Variants in RMST observed in about 807,000 individuals in gnomAD.
RMST encodes the protein long intergenic non-protein coding RNA 54.
At chr12:97,496,728 G>C (rs1316813531) in intron 10 of RMST, among the ~76,000 whole-genome samples, 1 of 152,124 alleles carries the variant, frequency 6.6e-6, no homozygotes, top group Non-Finnish European at 1.5e-5. Flanking sequence ...AAAGAGTGAG[G>C]AAAAACATTA....
intron 11 of RMST, among the ~76,000 whole-genome samples, chr12:97,545,297 T>C (rs1257712396): frequency 6.6e-6 from 1 of 152,090 alleles, no homozygotes; most frequent in African/African-American, 2.4e-5. Context: ...CCTTTACATA[T>C]GTTTTCTTCT....
chr12:97,495,210 T>C (rs1410246639), intron 9 of RMST, among the ~76,000 whole-genome samples: 1 of 151,928 alleles, frequency 6.6e-6, no homozygotes, highest in Non-Finnish European at 1.5e-5. Flanking sequence ...CATGCTATTC[T>C]ATAACCCTGG....
chr12:97,490,177 G>A (rs1438858174), intron 5 of RMST, among the ~76,000 whole-genome samples: 1 of 152,200 alleles, frequency 6.6e-6, no homozygotes, highest in Admixed American at 6.5e-5. Flanking sequence ...GACGGACAGA[G>A]TAGTTTACAG....
chr12:97,506,957 T>C (rs2136498245), intron 10 of RMST, among the ~76,000 whole-genome samples: 1 of 152,124 alleles, frequency 6.6e-6, no homozygotes. Context: ...GCTGGGATTA[T>C]AGGCATGAGC....
chr12:97,534,869 G>A (rs1881945856), intron 11 of RMST, among the ~76,000 whole-genome samples: 1 of 151,638 alleles, frequency 6.6e-6, no homozygotes, highest in Non-Finnish European at 1.5e-5. Context: ...GTTTTAAAAA[G>A]TGACCAATGG....
exon 14 of RMST, chr12:97,564,994 G>C (rs1884415525): frequency 6.6e-6 from 1 of 151,826 alleles, no homozygotes. Context: ...TTGATTTTCT[G>C]TATTTTTTCA....
chr12:97,563,713 T>C (rs1056341040), intron 13 of RMST: 11 of 450,762 alleles, frequency 2.4e-5, no homozygotes, highest in Non-Finnish European at 4.5e-5. Context: ...CTGTCACTTA[T>C]GTGTAGTTTA....
At chr12:97,494,116 A>G (rs1243099888) in intron 8 of RMST, 1 of 152,238 alleles carries the variant, frequency 6.6e-6, no homozygotes, top group African/African-American at 2.4e-5. Flanking sequence ...AAGCAAAAGA[A>G]TAATTGGAAC....
At chr12:97,485,775 T>C (rs1165346248) in intron 5 of RMST, among the ~76,000 whole-genome samples, 1 of 152,226 alleles carries the variant, frequency 6.6e-6, no homozygotes, top group Non-Finnish European at 1.5e-5. Context: ...CAAGAACTTT[T>C]TCCATCAAGG....
At chr12:97,464,493 C>G (rs753432496) in intron 4 of RMST, among the ~76,000 whole-genome samples, 2 of 152,184 alleles carry the variant, frequency 1.3e-5, no homozygotes, top group Admixed American at 6.5e-5. Context: ...ATTCAATTTA[C>G]TTTGAAAGTT....
intron 5 of RMST, among the ~76,000 whole-genome samples, chr12:97,482,674 ATTT>A (rs1473170543): frequency 1.5e-5 from 2 of 132,484 alleles, no homozygotes; most frequent in Admixed American, 1.6e-4. Flanking sequence ...TTTATTTAAT[ATTT>A]AATTTATTTA....
intron 5 of RMST, among the ~76,000 whole-genome samples, chr12:97,475,779 T>C (rs1416190531): frequency 6.6e-6 from 1 of 152,136 alleles, no homozygotes; most frequent in African/African-American, 2.4e-5. Flanking sequence ...CAGTAGAATT[T>C]GTTTTTAGGA....
chr12:97,555,795 A>G (rs1481694633), intron 11 of RMST, among the ~76,000 whole-genome samples: 2 of 152,214 alleles, frequency 1.3e-5, no homozygotes, highest in Non-Finnish European at 2.9e-5. Flanking sequence ...TGTGCAGGAA[A>G]TATTTTTCTG....
At chr12:97,525,563 TCTC>T (rs1425654681) in intron 10 of RMST, among the ~76,000 whole-genome samples, 3 of 152,310 alleles carry the variant, frequency 2.0e-5, no homozygotes, top group East Asian at 3.9e-4. Context: ...ATTAGTTTCT[TCTC>T]CTCTTCTGTC....
At chr12:97,472,310 A>G (rs1033288232) in intron 5 of RMST, among the ~76,000 whole-genome samples, 1 of 152,132 alleles carries the variant, frequency 6.6e-6, no homozygotes, top group African/African-American at 2.4e-5. Context: ...GGAGACATAC[A>G]TGGACTCTCA....
At chr12:97,503,646 A>G (rs1259813587) in intron 10 of RMST, among the ~76,000 whole-genome samples, 2 of 152,174 alleles carry the variant, frequency 1.3e-5, no homozygotes, top group African/African-American at 2.4e-5. Flanking sequence ...TGCAAATTAG[A>G]CATTGGTGAA....
intron 5 of RMST, among the ~76,000 whole-genome samples, chr12:97,491,281 G>A (rs1876774504): frequency 6.6e-6 from 1 of 152,168 alleles, no homozygotes; most frequent in African/African-American, 2.4e-5. Flanking sequence ...AGGGTGGAGT[G>A]TGTTTGAATG....
chr12:97,551,687 A>G (rs1369844576), intron 11 of RMST: 2 of 152,114 alleles, frequency 1.3e-5, no homozygotes, highest in Non-Finnish European at 2.9e-5. Context: ...ATATGCTAAT[A>G]TGTTTTATGC....
chr12:97,491,774 T>A (rs1241358481), intron 5 of RMST: 1 of 338,624 alleles, frequency 3.0e-6, no homozygotes, highest in Non-Finnish European at 6.4e-6. Flanking sequence ...ATGACTACCA[T>A]GTCAATAGAT....
Sources: allele counts gnomAD v4.1 joint callset (sites outside exome capture counted in the v4.1 genomes callset), GRCh38; gene constraint gnomAD v4.1.1; transcripts MANE v1.5; gene names NCBI Gene and HGNC (gene_info 2026-07-23, HGNC 2026-07-21).